The following FRMD3 variants were observed in gnomAD, a reference collection of about 807,000 sequenced individuals.
FRMD3 encodes the protein FERM domain containing 3.
Under a neutral mutation model 70.2 loss-of-function variants are expected in FRMD3, and 33 were observed. The observed-to-expected ratio is 0.47, with a 90% CI of 0.36 to 0.63. FRMD3 has a LOEUF of 0.63. Among genes scored for constraint, FRMD3 ranks in the 20% least tolerant of loss-of-function variants. The pLI is 0.00. For missense variants in FRMD3, 632 were observed against 711.4 expected (o/e 0.89, Z 1.27); for synonymous variants, 279 against 255.9 (o/e 1.09, Z -0.86).
chr9:83,263,814 C>T (rs1045569410), intron 13 of FRMD3, among the ~76,000 whole-genome samples: 2 of 152,000 alleles, frequency 1.3e-5, no homozygotes, highest in Non-Finnish European at 2.9e-5. Flanking sequence ...TCAAAATAGC[C>T]AAATGCACAA....
intron 1 of FRMD3, among the ~76,000 whole-genome samples, chr9:83,389,934 C>T (rs1177443458): frequency 1.3e-5 from 2 of 152,010 alleles, no homozygotes; most frequent in Non-Finnish European, 2.9e-5. Context: ...ACACACGGAA[C>T]CAAAAGGACC....
chr9:83,323,016 T>C lies in FRMD3; in HGVS notation c.597-9269A>G, dbSNP rs373711034. 3.9e-4 allele frequency among the ~76,000 whole-genome samples: 59 copies of C among 152,298 alleles called. No individual in the cohort carries two copies. In the South Asian group the frequency reaches 0.011, roughly 29 times the overall value. ...TAACATCTCCATCTGGTAGCTACAG[T>C]TAAAAAGACTAACAAAAGCAAGCAC... On this transcript the variant is annotated intron_variant, in intron 6 of 13. Transcript: ENST00000304195.
At chr9:83,363,891 G>T (rs1824703061) in intron 3 of FRMD3, among the ~76,000 whole-genome samples, 1 of 152,092 alleles carries the variant, frequency 6.6e-6, no homozygotes, top group Non-Finnish European at 1.5e-5. Context: ...GATATAACCA[G>T]ATTACTCTCC....
At chr9:83,545,402 G>A in the FRMD3 span, among the ~76,000 whole-genome samples, 3 of 138,588 alleles carry the variant, frequency 2.2e-5, no homozygotes, top group African/African-American at 5.4e-5. Flanking sequence ...CTTTCACCCA[G>A]GCTGGAGTGC....
intron 3 of FRMD3, among the ~76,000 whole-genome samples, chr9:83,361,760 G>A (rs1481490669): frequency 2.6e-5 from 4 of 152,158 alleles, no homozygotes; most frequent in Non-Finnish European, 5.9e-5. Context: ...ATCTTTATAA[G>A]AGAAAGGAGA....
intron 1 of FRMD3, among the ~76,000 whole-genome samples, chr9:83,490,518 G>A (rs1399057771): frequency 6.6e-6 from 1 of 152,076 alleles, no homozygotes; most frequent in Non-Finnish European, 1.5e-5. Flanking sequence ...ATGACTTCAA[G>A]TGATCTGCCC....
In FRMD3 at chr9:83,417,864, G is replaced by A. The variant is rs138074128; in HGVS notation, c.148-28156C>T. 3.9e-5 allele frequency among the ~76,000 whole-genome samples: 6 copies of A among 152,230 alleles called. No homozygotes were observed. The East Asian group carries it at 1.2e-3, about 29-fold the overall frequency. The stretch of plus-strand genomic sequence containing the variant: ...AGGAAGTTCCAAGAAGGGTCATAGT[G>A]TTCACATTACAAAGAGGTAAATAAA... On this transcript the variant is annotated intron_variant, in intron 1 of 13. Coordinates refer to ENST00000304195, the MANE Select transcript of FRMD3 (RefSeq NM_174938.6).
intron 3 of FRMD3, among the ~76,000 whole-genome samples, chr9:83,366,505 G>A (rs138912528): frequency 0.012 from 1,881 of 152,164 alleles, 51 homozygotes; most frequent in African/African-American, 0.043. Flanking sequence ...CCCAGGAGGC[G>A]GAGGTTGCAG....
At chr9:83,252,932 C>A (rs1029848929) in intron 13 of FRMD3, among the ~76,000 whole-genome samples, 1 of 152,100 alleles carries the variant, frequency 6.6e-6, no homozygotes, top group Non-Finnish European at 1.5e-5. Context: ...TAGTGGGAGA[C>A]TTTAACACTC....
intron 2 of FRMD3, among the ~76,000 whole-genome samples, chr9:83,376,020 C>T (rs1298104715): frequency 2.6e-5 from 4 of 151,746 alleles, no homozygotes; most frequent in Non-Finnish European, 5.9e-5. Context: ...ATTAGCCTGG[C>T]GTGGTGGCAG....
At chr9:83,382,118 T>C (rs1366247691) in intron 2 of FRMD3, among the ~76,000 whole-genome samples, 1 of 152,206 alleles carries the variant, frequency 6.6e-6, no homozygotes, top group East Asian at 1.9e-4. Flanking sequence ...CAATCATCTA[T>C]GAAATGAAAT....
At chr9:83,532,997 A>G (rs1191844812) in intron 1 of FRMD3, among the ~76,000 whole-genome samples, 2 of 152,220 alleles carry the variant, frequency 1.3e-5, no homozygotes, top group Non-Finnish European at 2.9e-5. Flanking sequence ...GTCCAGGCAG[A>G]GCTTTGGAAC....
chr9:83,428,754 T>G (rs1394025524), intron 1 of FRMD3, among the ~76,000 whole-genome samples: 3 of 152,314 alleles, frequency 2.0e-5, no homozygotes, highest in African/African-American at 4.8e-5. Flanking sequence ...TCACACCACT[T>G]GGAAATACTG....
intron 1 of FRMD3, among the ~76,000 whole-genome samples, chr9:83,502,717 G>A (rs1829098201): frequency 6.6e-6 from 1 of 152,146 alleles, no homozygotes; most frequent in Non-Finnish European, 1.5e-5. Context: ...TCAAACCACA[G>A]AAATGCTTTG....
intron 4 of FRMD3, among the ~76,000 whole-genome samples, chr9:83,346,559 T>A (rs1309402708): frequency 6.6e-6 from 1 of 152,196 alleles, no homozygotes; most frequent in African/African-American, 2.4e-5. Context: ...GAATACTGGA[T>A]GACCACTTGG....
intron 13 of FRMD3, among the ~76,000 whole-genome samples, chr9:83,275,196 C>T (rs1301499672): frequency 6.6e-6 from 1 of 152,190 alleles, no homozygotes; most frequent in Non-Finnish European, 1.5e-5. Context: ...GCATGGAGGT[C>T]AGGATCACGG....
chr9:83,462,823 T>C (rs1828013363), intron 1 of FRMD3, among the ~76,000 whole-genome samples: 1 of 152,258 alleles, frequency 6.6e-6, no homozygotes, highest in African/African-American at 2.4e-5. Context: ...TGAACTGTCC[T>C]GGCACACCTA....
At chr9:83,416,974 A>G (rs1189841738) in intron 1 of FRMD3, among the ~76,000 whole-genome samples, 1 of 152,054 alleles carries the variant, frequency 6.6e-6, no homozygotes, top group East Asian at 1.9e-4. Context: ...TCCCAACCAC[A>G]TTCACCAAAT....
At chr9:83,392,480 T>C (rs898511051) in intron 1 of FRMD3, among the ~76,000 whole-genome samples, 6 of 152,140 alleles carry the variant, frequency 3.9e-5, no homozygotes, top group African/African-American at 7.2e-5. Flanking sequence ...CTACTGCCCA[T>C]ATACCTCACA....
Sources: allele counts gnomAD v4.1 joint callset (sites outside exome capture counted in the v4.1 genomes callset), GRCh38; gene constraint gnomAD v4.1.1; transcripts MANE v1.5; gene names NCBI Gene and HGNC (gene_info 2026-07-23, HGNC 2026-07-21).